PRKCA: variants seen among roughly 807,000 people sequenced by gnomAD.
PRKCA encodes the protein protein kinase C alpha type.
Under a neutral mutation model 87.0 loss-of-function variants are expected in PRKCA, and 27 were observed. The ratio of observed to expected loss-of-function variants is 0.31; its 90% CI spans 0.23 to 0.43. PRKCA has a LOEUF of 0.43. PRKCA is among the 20% of genes least tolerant of loss of function. The probability of loss-of-function intolerance (pLI) is 1.00; values close to 1 mark genes in which losing one functional copy is unlikely to be tolerated. For synonymous variants in PRKCA, 329 were observed against 311.1 expected, an observed-to-expected ratio of 1.06 and a Z score of -0.61; for missense variants, 518 against 852.3, an observed-to-expected ratio of 0.61 and a Z score of 4.88.
intron 8 of PRKCA, among the ~76,000 whole-genome samples, chr17:66,699,371 A>G (rs911821110): frequency 1.3e-5 from 2 of 152,214 alleles, no homozygotes; most frequent in Admixed American, 6.5e-5. Context: ...ACAGAAATAC[A>G]TAAGATCATA....
At chr17:66,454,545 T>G (rs1832870440) in intron 2 of PRKCA, among the ~76,000 whole-genome samples, 2 of 151,712 alleles carry the variant, frequency 1.3e-5, no homozygotes, top group South Asian at 4.2e-4. Flanking sequence ...AAGAAAGAGG[T>G]TTAATGGACT....
Position 66,689,081 on chromosome 17 carries a change from C to A in PRKCA, c.918+34C>A. On this transcript the variant is annotated intron_variant, in intron 8 of 16. Transcript: ENST00000413366. The surrounding 1 kb of genome is among the most constrained non-coding windows in gnomAD (Gnocchi z 4.1). ...AACAAAATGCCCGGAAACACCTTTC[C>A]TTTAGAAAGCCCAACTTCAGGAACG... is the stretch of plus-strand genomic sequence containing the variant. The A allele has an allele frequency of 7.1e-7, 1 of 1,403,082 alleles. No homozygotes were observed. Among genetic ancestry groups the A allele is most frequent in the South Asian group, 1.3e-5 (1 of 76,548 alleles). 86.9% of individuals were successfully genotyped at this position (1,403,082 alleles called of 1,614,324 possible).
intron 14 of PRKCA, chr17:66,778,026 A>C: frequency 1.0e-6 from 1 of 985,422 alleles, no homozygotes; most frequent in Non-Finnish European, 1.2e-6. Context: ...CCTCATTTGC[A>C]AATTGGCCTG....
At chr17:66,582,070 A>T (rs571046877) in intron 3 of PRKCA, among the ~76,000 whole-genome samples, 1 of 152,290 alleles carries the variant, frequency 6.6e-6, no homozygotes, top group South Asian at 2.1e-4. Context: ...AGGCTGTGGC[A>T]GTTGTTAAAT....
At chr17:66,702,675 T>TA (rs1463292344) in intron 8 of PRKCA, among the ~76,000 whole-genome samples, 3 of 152,228 alleles carry the variant, frequency 2.0e-5, no homozygotes, top group Non-Finnish European at 4.4e-5. Context: ...CATCACATTG[T>TA]ATACCTTAAA....
At chr17:66,539,964 C>T (rs1439688848) in intron 3 of PRKCA, among the ~76,000 whole-genome samples, 1 of 152,214 alleles carries the variant, frequency 6.6e-6, no homozygotes, top group Non-Finnish European at 1.5e-5. Flanking sequence ...CTTGCTCACG[C>T]AACCCGAGGG....
intron 5 of PRKCA, among the ~76,000 whole-genome samples, chr17:66,671,378 G>A (rs1480389399): frequency 6.6e-6 from 1 of 152,078 alleles, no homozygotes. Context: ...CTTGCTAGCT[G>A]GGTGACCTTG....
chr17:66,558,691 G>A (rs779760840), intron 3 of PRKCA, among the ~76,000 whole-genome samples: 1 of 152,170 alleles, frequency 6.6e-6, no homozygotes, highest in Non-Finnish European at 1.5e-5. Flanking sequence ...AGAGTAAGGG[G>A]GGGAGGGAGG....
chr17:66,604,594 A>G (rs1970157204), intron 3 of PRKCA, among the ~76,000 whole-genome samples: 1 of 152,196 alleles, frequency 6.6e-6, no homozygotes, highest in Non-Finnish European at 1.5e-5. Flanking sequence ...GTACAACCAC[A>G]CTACTTAATT....
At chr17:66,365,304 G>C (rs1908644170) in intron 2 of PRKCA, among the ~76,000 whole-genome samples, 2 of 152,144 alleles carry the variant, frequency 1.3e-5, no homozygotes, top group African/African-American at 4.8e-5. Context: ...GTATTCTACG[G>C]GAGGGAGGAG....
At chr17:66,708,710 C>T (rs186431688) in intron 8 of PRKCA, among the ~76,000 whole-genome samples, 9 of 152,192 alleles carry the variant, frequency 5.9e-5, no homozygotes, top group African/African-American at 2.2e-4. Context: ...TACAGAGTAC[C>T]CTATGCCTAT....
chr17:66,433,441 A>G (rs778134221), intron 2 of PRKCA, among the ~76,000 whole-genome samples: 39 of 152,196 alleles, frequency 2.6e-4, no homozygotes, highest in Non-Finnish European at 4.9e-4. Context: ...TCTCTGAAAC[A>G]CCAAGTGAGG....
chr17:66,519,607 A>C (rs1286912000), intron 3 of PRKCA, among the ~76,000 whole-genome samples: 1 of 152,144 alleles, frequency 6.6e-6, no homozygotes, highest in African/African-American at 2.4e-5. Flanking sequence ...GGGGTGGATG[A>C]TGATACAGGA....
intron 14 of PRKCA, among the ~76,000 whole-genome samples, chr17:66,783,975 T>G (rs1014071625): frequency 1.3e-5 from 2 of 152,192 alleles, no homozygotes; most frequent in African/African-American, 4.8e-5. Flanking sequence ...GTGCATTTGG[T>G]TTGGTGCTCC....
At chr17:66,515,482 A>C (rs970350652) in intron 3 of PRKCA, among the ~76,000 whole-genome samples, 6 of 152,258 alleles carry the variant, frequency 3.9e-5, no homozygotes, top group African/African-American at 1.4e-4. Flanking sequence ...GAATTAACTG[A>C]GTTTCTTGAT....
intron 2 of PRKCA, among the ~76,000 whole-genome samples, chr17:66,393,811 C>T (rs971613622): frequency 2.6e-5 from 4 of 152,108 alleles, no homozygotes; most frequent in South Asian, 2.1e-4. Context: ...TGGTGGCTCA[C>T]TTCTGTAATT....
chr17:66,365,053 C>T (rs1417139160), intron 2 of PRKCA, among the ~76,000 whole-genome samples: 1 of 152,184 alleles, frequency 6.6e-6, no homozygotes, highest in Admixed American at 6.5e-5. Context: ...CACATTGCAG[C>T]CCAAACCTTA....
chr17:66,610,030 G>C (rs1193173478), intron 3 of PRKCA, among the ~76,000 whole-genome samples: 2 of 151,826 alleles, frequency 1.3e-5, no homozygotes, highest in East Asian at 3.9e-4. Flanking sequence ...ACAAGATAAG[G>C]GTTCAGTCCC....
chr17:66,422,016 A>C (rs1244672307), intron 2 of PRKCA, among the ~76,000 whole-genome samples: 1 of 151,792 alleles, frequency 6.6e-6, no homozygotes, highest in African/African-American at 2.4e-5. Flanking sequence ...TTTTGTCTGG[A>C]GCTTCTCTCC....
Sources: allele counts gnomAD v4.1 joint callset (sites outside exome capture counted in the v4.1 genomes callset), GRCh38; gene constraint gnomAD v4.1.1; non-coding constraint Gnocchi (gnomAD v3.1); transcripts MANE v1.5; gene names NCBI Gene and HGNC (gene_info 2026-07-23, HGNC 2026-07-21).